Variants in NDST4 observed in about 807,000 individuals in gnomAD.
NDST4 encodes N-heparan sulfate sulfotransferase 4.
A neutral mutation model predicts 100.8 loss-of-function variants in NDST4; 63 were observed. The ratio of observed to expected loss-of-function variants is 0.62; its 90% CI spans 0.51 to 0.77. The LOEUF (loss-of-function observed/expected upper bound fraction) is 0.77, where lower values mean the gene tolerates loss of function less well. Among genes scored for constraint, NDST4 ranks in the 30% least tolerant of loss-of-function variants. The probability of loss-of-function intolerance (pLI) is 0.00; values close to 1 mark genes in which losing one functional copy is unlikely to be tolerated. For missense variants in NDST4, 943 were observed against 1,018.4 expected (o/e 0.93, Z 1.01); for synonymous variants, 377 against 361.8 (o/e 1.04, Z -0.48).
At chr4:114,959,923 T>C (rs77636887) in intron 4 of NDST4, among the ~76,000 whole-genome samples, 4 of 152,150 alleles carry the variant, frequency 2.6e-5, no homozygotes, top group African/African-American at 9.7e-5. Flanking sequence ...ATTATTAATT[T>C]ACACATATAA....
intron 1 of NDST4, among the ~76,000 whole-genome samples, chr4:115,091,272 TG>T (rs1729513259): frequency 2.0e-5 from 3 of 152,114 alleles, no homozygotes. Flanking sequence ...TATATTTCTC[TG>T]TTATGCAAAC....
intron 2 of NDST4, among the ~76,000 whole-genome samples, chr4:115,040,584 A>G (rs1728328368): frequency 6.6e-6 from 1 of 151,964 alleles, no homozygotes; most frequent in Non-Finnish European, 1.5e-5. Flanking sequence ...AAGTCCAAGT[A>G]TGATGCCAAA....
chr4:114,939,637 A>G (rs1725705151), intron 4 of NDST4, among the ~76,000 whole-genome samples: 2 of 152,128 alleles, frequency 1.3e-5, no homozygotes, highest in African/African-American at 4.8e-5. Context: ...GGAAAAAAAA[A>G]GAGACATTTC....
intron 7 of NDST4, among the ~76,000 whole-genome samples, chr4:114,854,613 C>T (rs1723751787): frequency 6.6e-6 from 1 of 152,118 alleles, no homozygotes; most frequent in Non-Finnish European, 1.5e-5. Context: ...GGACCACAGG[C>T]ACGTGCCACC....
At position 114,883,056 on chromosome 4, in the gene NDST4, T is replaced by G. The variant is rs1347437140; in HGVS notation, c.1537-12106A>C. Among the ~76,000 whole-genome samples the G allele has an allele frequency of 5.3e-5, 8 of 152,068 alleles. No homozygotes were observed. In the South Asian group the frequency reaches 1.7e-3, roughly 31 times the overall value. On this transcript the variant is annotated intron_variant, in intron 6 of 13. Transcript: ENST00000264363. ...CTCACAGAAAAACAAAAAACAGGAA[T>G]TTCTTTGTCAGTGGACTTGCCTTGA...
chr4:114,922,717 G>A (rs1725313337), intron 6 of NDST4, among the ~76,000 whole-genome samples: 1 of 151,496 alleles, frequency 6.6e-6, no homozygotes, highest in Admixed American at 6.6e-5. Context: ...ACACACTTCG[G>A]TACCATGTGA....
intron 3 of NDST4, among the ~76,000 whole-genome samples, chr4:114,971,466 T>C (rs1388613129): frequency 6.6e-6 from 1 of 151,932 alleles, no homozygotes; most frequent in Admixed American, 6.6e-5. Flanking sequence ...ACAAATGAAA[T>C]GATAGAGTTT....
At chr4:115,027,913 C>T (rs754745495) in intron 2 of NDST4, among the ~76,000 whole-genome samples, 3 of 151,916 alleles carry the variant, frequency 2.0e-5, no homozygotes, top group Admixed American at 1.3e-4. Context: ...AATAGCTGGG[C>T]GTGGTGGTGC....
chr4:115,037,555 T>C (rs560494123), intron 2 of NDST4, among the ~76,000 whole-genome samples: 2 of 152,128 alleles, frequency 1.3e-5, no homozygotes, highest in Non-Finnish European at 2.9e-5. Flanking sequence ...TGTATGTAAA[T>C]ATGTATGTAT....
intron 13 of NDST4, 53 bp from the exon 14 acceptor site, chr4:114,827,988 G>C: frequency 1.3e-6 from 2 of 1,520,998 alleles, no homozygotes; most frequent in South Asian, 1.3e-5. Flanking sequence ...CATCAAACAG[G>C]ATATTGTAAT....
chr4:114,975,765 C>T (rs1726619067), intron 3 of NDST4, among the ~76,000 whole-genome samples: 1 of 152,044 alleles, frequency 6.6e-6, no homozygotes, highest in South Asian at 2.1e-4. Context: ...TCCAAATAAT[C>T]CCATAATTTT....
At chr4:115,091,669 TG>T (rs1338741806) in intron 1 of NDST4, among the ~76,000 whole-genome samples, 1 of 152,146 alleles carries the variant, frequency 6.6e-6, no homozygotes, top group African/African-American at 2.4e-5. Flanking sequence ...CATGAGAATT[TG>T]TGAAAATACA....
At chr4:114,845,067 T>C (rs1723514783) in intron 10 of NDST4, among the ~76,000 whole-genome samples, 2 of 152,172 alleles carry the variant, frequency 1.3e-5, no homozygotes, top group Admixed American at 6.5e-5. Flanking sequence ...TGGTGGCTCA[T>C]GCTTGTAGTC....
chr4:114,947,364 A>T (rs951048987), intron 4 of NDST4, among the ~76,000 whole-genome samples: 6 of 152,220 alleles, frequency 3.9e-5, no homozygotes, highest in Non-Finnish European at 7.3e-5. Context: ...GGAGGAAAGC[A>T]AGCGCCCAAG....
intron 2 of NDST4, among the ~76,000 whole-genome samples, chr4:115,026,943 G>T (rs1560572051): frequency 3.3e-5 from 5 of 152,110 alleles, no homozygotes; most frequent in Admixed American, 1.3e-4. Flanking sequence ...GAAGAAAGAA[G>T]AATGATGGCT....
At chr4:114,981,201 GAGA>G (rs879775702) in intron 2 of NDST4, among the ~76,000 whole-genome samples, 3 of 150,492 alleles carry the variant, frequency 2.0e-5, no homozygotes, top group Non-Finnish European at 4.4e-5. Context: ...GCGAAAGAAA[GAGA>G]AGAAGAAAGG....
intron 2 of NDST4, among the ~76,000 whole-genome samples, chr4:114,999,315 G>T (rs1198257872): frequency 6.6e-6 from 1 of 151,926 alleles, no homozygotes; most frequent in African/African-American, 2.4e-5. Flanking sequence ...GGTCCGCTGT[G>T]TACTAGTGGT....
intron 4 of NDST4, among the ~76,000 whole-genome samples, chr4:114,942,210 G>A (rs139748770): frequency 3.9e-3 from 596 of 152,226 alleles, no homozygotes; most frequent in Middle Eastern, 0.01. Context: ...AACTACACTT[G>A]AAATAATTGT....
chr4:115,045,503 C>T (rs1728446282), intron 2 of NDST4, among the ~76,000 whole-genome samples: 1 of 152,126 alleles, frequency 6.6e-6, no homozygotes, highest in Admixed American at 6.5e-5. Context: ...AGAAGACTGG[C>T]TGTGTTTTCT....
Sources: gnomAD v4.1 joint callset for allele counts (sites outside exome capture counted in the v4.1 genomes callset) on GRCh38, gnomAD v4.1.1 for gene constraint, MANE v1.5 for transcripts, NCBI Gene and HGNC (gene_info 2026-07-23, HGNC 2026-07-21) for gene names.